Variants in NPIPB2 observed in about 807,000 individuals in gnomAD.
NPIPB2 encodes the protein nuclear pore complex-interacting protein family member B2.
Under a neutral mutation model 30.8 loss-of-function variants are expected in NPIPB2, and 27 were observed. That is an observed-to-expected ratio of 0.88 (90% CI 0.65 to 1.21). The LOEUF (loss-of-function observed/expected upper bound fraction) is 1.21. Among genes scored for constraint, NPIPB2 ranks in the 50% most tolerant of loss-of-function variants. The pLI is 0.00. For missense variants in NPIPB2, 440 were observed against 446.2 expected (o/e 0.99, Z 0.13); for synonymous variants, 147 against 162.0 (o/e 0.91, Z 0.70).
intron 4 of NPIPB2, among the ~76,000 whole-genome samples, chr16:11,932,853 C>T (rs1256339361): frequency 7.6e-6 from 1 of 131,376 alleles, no homozygotes; most frequent in African/African-American, 2.9e-5. Flanking sequence ...CCAAGCTACT[C>T]AGGAAGCTGA....
At chr16:11,956,669 CTG>C (rs1193483087) in intron 1 of NPIPB2, among the ~76,000 whole-genome samples, 13 of 152,164 alleles carry the variant, frequency 8.5e-5, no homozygotes, top group Non-Finnish European at 1.9e-4. Flanking sequence ...CAGTGAGACT[CTG>C]TCTCAAAAGA....
intron 1 of NPIPB2, among the ~76,000 whole-genome samples, chr16:11,962,315 A>G (rs969087326): frequency 2.0e-5 from 3 of 151,788 alleles, no homozygotes; most frequent in African/African-American, 7.3e-5. Context: ...TCTGCCCAAC[A>G]TGGTGAAACC....
At chr16:11,966,075 C>T (rs2055191057) in intron 1 of NPIPB2, 1 of 1,012,908 alleles carries the variant, frequency 9.9e-7, no homozygotes, top group Non-Finnish European at 1.4e-6. Context: ...CGCGCCACTG[C>T]ACTCTAGCCT....
chr16:11,967,491 C>A, intron 1 of NPIPB2: 1 of 1,401,312 alleles, frequency 7.1e-7, no homozygotes, highest in South Asian at 1.3e-5. Context: ...TGCTTTGAGT[C>A]CCGATGTGTA....
chr16:11,968,148 G>T (rs1182543509), intron 1 of NPIPB2: 2 of 309,928 alleles, frequency 6.5e-6, no homozygotes, highest in Non-Finnish European at 1.2e-5. Context: ...AGAGAAAGGT[G>T]GGAGGGGGAA....
At chr16:11,944,262 C>T (rs1008689449), upstream of NPIPB2, among the ~76,000 whole-genome samples, 18 of 151,284 alleles carry the variant, frequency 1.2e-4, no homozygotes, top group African/African-American at 3.9e-4. Context: ...CTCCACCTCC[C>T]AGGTAAGAGA....
intron 1 of NPIPB2, among the ~76,000 whole-genome samples, chr16:11,955,351 G>A (rs450329): frequency 7.5e-6 from 1 of 133,438 alleles, no homozygotes; most frequent in Admixed American, 8.2e-5. Flanking sequence ...GAAACTCTGT[G>A]TCAAAAAAAA....
intron 1 of NPIPB2, among the ~76,000 whole-genome samples, chr16:11,976,214 C>G (rs2055293371): frequency 6.6e-6 from 1 of 152,120 alleles, no homozygotes; most frequent in Non-Finnish European, 1.5e-5. Flanking sequence ...CAGGCGTGAG[C>G]CACCGCACCA....
chr16:11,943,481 A>G (rs947272205), upstream of NPIPB2, among the ~76,000 whole-genome samples: 8 of 152,080 alleles, frequency 5.3e-5, no homozygotes, highest in Non-Finnish European at 1.2e-4. Context: ...AGGCAGGCGG[A>G]TCACGAGGTT....
At chr16:11,959,071 C>A (rs1160079356) in intron 1 of NPIPB2, among the ~76,000 whole-genome samples, 1 of 152,116 alleles carries the variant, frequency 6.6e-6, no homozygotes, top group African/African-American at 2.4e-5. Context: ...TGCTGGGGCT[C>A]GGGCCGTGGC....
At chr16:11,966,213 A>G (rs932851859) in intron 1 of NPIPB2, 1 of 1,613,240 alleles carries the variant, frequency 6.2e-7, no homozygotes, top group Non-Finnish European at 8.5e-7. Flanking sequence ...AATTCAGTGA[A>G]AGGAACGAAT....
intron 4 of NPIPB2, among the ~76,000 whole-genome samples, chr16:11,932,678 T>A (rs12444987): frequency 0.97 from 121,215 of 125,032 alleles, 58,884 homozygotes; most frequent in South Asian, 1. Flanking sequence ...CAAGAGGCTG[T>A]GGGATAAGAA....
chr16:11,970,056 C>T (rs2150944083), intron 1 of NPIPB2, among the ~76,000 whole-genome samples: 2 of 151,212 alleles, frequency 1.3e-5, no homozygotes, highest in South Asian at 4.3e-4. Context: ...CACACAAAAA[C>T]TCCTGGGTAT....
Position 11,927,424 on chromosome 16 carries a change from G to T in NPIPB2, c.1143C>A (p.Pro381=), listed in dbSNP as rs767894330. 11 of 1,151,442 alleles carry T rather than the reference G, an allele frequency of 9.6e-6. No homozygotes were observed. The South Asian group carries it at 1.5e-4, about 15-fold the overall frequency. 71.3% of individuals were successfully genotyped at this position (1,151,442 alleles called of 1,614,324 possible). A position where few individuals can be genotyped will look rare whatever the true frequency, so the allele number is the denominator to read the frequency against. ...TCAGCTTACTCAACCTCCGCCTCTT[G>T]GGCTCGGGTGATGATGGTTCCACCT... is the stretch of plus-strand genomic sequence containing the variant. The change falls in exon 8 of 8, where the codon CCC becomes CCA. Residue 381 remains proline, a synonymous_variant. Transcript: ENST00000399147.
At chr16:11,954,950 T>G (rs930117372) in intron 1 of NPIPB2, among the ~76,000 whole-genome samples, 1 of 152,032 alleles carries the variant, frequency 6.6e-6, no homozygotes, top group Non-Finnish European at 1.5e-5. Context: ...ACAACAAACT[T>G]TTATTGATTA....
At position 11,936,777 on chromosome 16, in the gene NPIPB2, T is replaced by C. The variant is rs866141804; in HGVS notation, c.192+763A>G. Among the ~76,000 whole-genome samples, 23 of 144,094 alleles carry C rather than the reference T, an allele frequency of 1.6e-4. No individual in the cohort carries two copies. The Middle Eastern group carries it at 0.018, about 113-fold the overall frequency. 94.5% of individuals were successfully genotyped at this position (144,094 alleles called of 152,430 possible). ...GCACTTTGAATGATGTCATTCAAAA[T>C]TACCCTGCCCAGACACACTTTTCAT... is the stretch of plus-strand genomic sequence containing the variant. On this transcript the variant is annotated intron_variant, in intron 2 of 7. Coordinates refer to ENST00000399147, the Ensembl canonical transcript of NPIPB2.
intron 1 of NPIPB2, chr16:11,966,107 T>C (rs2055191398): frequency 4.4e-6 from 6 of 1,377,550 alleles, no homozygotes; most frequent in Non-Finnish European, 5.9e-6. Flanking sequence ...CAAGACTTTG[T>C]CTCAAAATAA....
intron 1 of NPIPB2, among the ~76,000 whole-genome samples, chr16:11,955,353 CAAAA>C (rs34066078): frequency 2.1e-5 from 1 of 46,636 alleles, no homozygotes; most frequent in Non-Finnish European, 4.3e-5. Flanking sequence ...AACTCTGTGT[CAAAA>C]AAAAAAAAAA....
intron 2 of NPIPB2, among the ~76,000 whole-genome samples, chr16:11,934,260 A>ACACACACACACAC (rs1567465726): frequency 2.9e-5 from 4 of 137,660 alleles, no homozygotes; most frequent in African/African-American, 1.1e-4. Flanking sequence ...ACACACACAT[A>ACACACACACACAC]AGAATGACAT....
Sources: allele counts gnomAD v4.1 joint callset (sites outside exome capture counted in the v4.1 genomes callset), GRCh38; gene constraint gnomAD v4.1.1; transcripts MANE v1.5; gene names NCBI Gene and HGNC (gene_info 2026-07-23, HGNC 2026-07-21).